The following ROBO2 variants were observed in gnomAD, a reference collection of about 807,000 sequenced individuals.
ROBO2 encodes the protein roundabout homolog 2.
In ROBO2, 53 loss-of-function variants were observed where a neutral mutation model predicts 160.8. That is an observed-to-expected ratio of 0.33 (90% confidence interval 0.26 to 0.41). The LOEUF (loss-of-function observed/expected upper bound fraction) is 0.41, where lower values mean the gene tolerates loss of function less well. Ranked by LOEUF, ROBO2 falls within the 10% of genes least tolerant of loss-of-function variation. ROBO2 has a pLI of 1.00. For synonymous variants in ROBO2, 664 were observed against 611.7 expected (o/e 1.09, Z -1.26); for missense variants, 1,577 against 1,722.4 (o/e 0.92, Z 1.49).
chr3:76,075,884 C>G (rs2068631236), intron 2 of ROBO2, among the ~76,000 whole-genome samples: 1 of 152,174 alleles, frequency 6.6e-6, no homozygotes, highest in Non-Finnish European at 1.5e-5. Context: ...CAGGAAGATA[C>G]AGTAACTTGT....
chr3:76,096,827 G>A (rs576645056), intron 2 of ROBO2, among the ~76,000 whole-genome samples: 3 of 152,192 alleles, frequency 2.0e-5, no homozygotes, highest in Admixed American at 1.3e-4. Flanking sequence ...TTGTAGAGAC[G>A]AGTTAATGAA....
chr3:76,885,934 G>A lies in ROBO2; in HGVS notation c.110-212080G>A, dbSNP rs552790757. On this transcript the variant is annotated intron_variant, in intron 2 of 26. Coordinates refer to the ROBO2 transcript ENST00000487694. Reference sequence around the variant, plus strand: ...GCAACCTGAAAGTGTGTGTTGGCAGGTGAGGAGCGGGGGAGGGCAGGTTCA... The same window carrying A: ...GCAACCTGAAAGTGTGTGTTGGCAGATGAGGAGCGGGGGAGGGCAGGTTCA... Among the ~76,000 whole-genome samples the A allele has an allele frequency of 2.0e-5, 3 of 152,294 alleles. No individual in the cohort carries two copies. In the South Asian group the frequency reaches 6.2e-4, roughly 32 times the overall value.
At chr3:76,229,656 G>A (rs985845126) in intron 2 of ROBO2, among the ~76,000 whole-genome samples, 3 of 151,912 alleles carry the variant, frequency 2.0e-5, no homozygotes, top group African/African-American at 7.3e-5. Context: ...AGGAACAGCA[G>A]GTTTTACTTT....
intron 2 of ROBO2, among the ~76,000 whole-genome samples, chr3:75,940,532 C>T (rs1190032546): frequency 1.3e-5 from 2 of 151,986 alleles, no homozygotes; most frequent in African/African-American, 2.4e-5. Context: ...CATTCCCTGA[C>T]GTGGACTCTG....
At chr3:75,990,371 G>T (rs940350615) in intron 2 of ROBO2, among the ~76,000 whole-genome samples, 1 of 152,150 alleles carries the variant, frequency 6.6e-6, no homozygotes, top group African/African-American at 2.4e-5. Context: ...CCACACATTT[G>T]TTGGGGACTG....
At chr3:75,925,469 A>C (rs990310117) in intron 1 of ROBO2, among the ~76,000 whole-genome samples, 2 of 152,178 alleles carry the variant, frequency 1.3e-5, no homozygotes, top group African/African-American at 4.8e-5. Flanking sequence ...TCCTCTGATT[A>C]TATGAGGCTG....
intron 2 of ROBO2, chr3:77,316,884 G>T (rs866340939): frequency 1.7e-6 from 2 of 1,169,046 alleles, no homozygotes; most frequent in East Asian, 4.7e-5. Flanking sequence ...CTATCAGGCT[G>T]GAGTTGTTCA....
chr3:76,660,290 C>T (rs1304920501), intron 2 of ROBO2, among the ~76,000 whole-genome samples: 2 of 152,116 alleles, frequency 1.3e-5, no homozygotes, highest in Non-Finnish European at 2.9e-5. Flanking sequence ...GTGAAATTAA[C>T]TGGACTTTTC....
At chr3:76,566,861 A>G (rs2084559131) in intron 2 of ROBO2, among the ~76,000 whole-genome samples, 1 of 152,314 alleles carries the variant, frequency 6.6e-6, no homozygotes, top group South Asian at 2.1e-4. Flanking sequence ...AGATGAAACA[A>G]CAGCCCAATT....
intron 2 of ROBO2, among the ~76,000 whole-genome samples, chr3:77,300,454 A>G (rs1224361457): frequency 6.6e-6 from 1 of 152,160 alleles, no homozygotes; most frequent in African/African-American, 2.4e-5. Flanking sequence ...TGAATGTAGC[A>G]GCCCAACCCA....
At chr3:76,767,874 A>G (rs1312473723) in intron 2 of ROBO2, among the ~76,000 whole-genome samples, 1 of 151,516 alleles carries the variant, frequency 6.6e-6, no homozygotes, top group Non-Finnish European at 1.5e-5. Flanking sequence ...ATTCTAAATC[A>G]CTATTTTGTG....
intron 5 of ROBO2, among the ~76,000 whole-genome samples, chr3:77,507,536 C>T (rs797021444): frequency 1.3e-5 from 2 of 152,140 alleles, no homozygotes; most frequent in Non-Finnish European, 2.9e-5. Flanking sequence ...GCTGTGAGCT[C>T]TGTGGATTCT....
chr3:77,442,677 A>G lies in ROBO2; in HGVS notation c.389-34737A>G, dbSNP rs138818026. 3.0e-3 allele frequency among the ~76,000 whole-genome samples: 458 copies of G among 152,252 alleles called. 4 individuals carry two copies. The highest frequency in any genetic ancestry group is 4.4e-3 in the Non-Finnish European group (301 of 68,008). On this transcript the variant is annotated intron_variant, in intron 2 of 25. Coordinates refer to ENST00000461745, the Ensembl canonical transcript of ROBO2. The stretch of plus-strand genomic sequence containing the variant: ...GCGTGATGATGTGCACTTACCCCAC[A>G]TATGACCCTAAGTATTGAGTACCAG...
intron 19 of ROBO2, among the ~76,000 whole-genome samples, chr3:77,597,533 G>A (rs150053533): frequency 4.7e-4 from 71 of 152,136 alleles, no homozygotes; most frequent in Middle Eastern, 3.4e-3. Context: ...TCTCAGTGTG[G>A]CTTGGCAGGT....
intron 2 of ROBO2, among the ~76,000 whole-genome samples, chr3:76,805,216 A>G (rs2064584210): frequency 6.6e-6 from 1 of 151,982 alleles, no homozygotes; most frequent in Non-Finnish European, 1.5e-5. Context: ...CTGTCAATAC[A>G]AGCGCCTTCC....
At chr3:77,239,762 C>A (rs948212896) in intron 2 of ROBO2, among the ~76,000 whole-genome samples, 6 of 152,090 alleles carry the variant, frequency 3.9e-5, no homozygotes, top group Admixed American at 2.0e-4. Flanking sequence ...GGTGCGTTTA[C>A]AAACCTTGAG....
At chr3:77,420,453 C>G (rs1401314686) in intron 2 of ROBO2, among the ~76,000 whole-genome samples, 1 of 152,068 alleles carries the variant, frequency 6.6e-6, no homozygotes, top group Non-Finnish European at 1.5e-5. Flanking sequence ...AAGGGACTGG[C>G]TCTACCAATC....
intron 2 of ROBO2, among the ~76,000 whole-genome samples, chr3:76,481,296 C>T (rs149608416): frequency 0.01 from 1,535 of 151,884 alleles, 16 homozygotes; most frequent in Non-Finnish European, 0.016. Flanking sequence ...ATTGTAATTG[C>T]GGGAGGGAAA....
intron 2 of ROBO2, among the ~76,000 whole-genome samples, chr3:76,974,842 A>G (rs1301506051): frequency 6.6e-6 from 1 of 152,182 alleles, no homozygotes; most frequent in African/African-American, 2.4e-5. Context: ...AGTTGGCTAA[A>G]TCATACCATT....
Sources: allele counts gnomAD v4.1 joint callset (sites outside exome capture counted in the v4.1 genomes callset), GRCh38; gene constraint gnomAD v4.1.1; transcripts MANE v1.5; gene names NCBI Gene and HGNC (gene_info 2026-07-23, HGNC 2026-07-21).